The following TANC1 variants were observed in gnomAD, a reference collection of about 807,000 sequenced individuals.
TANC1 encodes the protein tetratricopeptide repeat, ankyrin repeat and coiled-coil containing 1.
TANC1 carries 77 observed loss-of-function variants against 149.7 expected under a neutral mutation model. The ratio of observed to expected loss-of-function variants is 0.51; its 90% CI spans 0.43 to 0.62. The LOEUF (loss-of-function observed/expected upper bound fraction) is 0.62. Among genes scored for constraint, TANC1 ranks in the 20% least tolerant of loss-of-function variants. The probability of loss-of-function intolerance (pLI) is 0.00; values close to 1 mark genes in which losing one functional copy is unlikely to be tolerated. For synonymous variants in TANC1, 854 were observed against 925.0 expected (o/e 0.92, Z 1.39); for missense variants, 1,985 against 2,321.8 (o/e 0.85, Z 2.98).
intron 3 of TANC1, among the ~76,000 whole-genome samples, chr2:159,096,010 T>G (rs1393374919): frequency 6.6e-6 from 1 of 152,098 alleles, no homozygotes; most frequent in Non-Finnish European, 1.5e-5. Flanking sequence ...TATGTGTGGT[T>G]TTTTTGGTTT....
intron 3 of TANC1, among the ~76,000 whole-genome samples, chr2:159,096,969 G>C (rs948062016): frequency 6.6e-6 from 1 of 152,176 alleles, no homozygotes; most frequent in Non-Finnish European, 1.5e-5. Context: ...ATTTAACAAT[G>C]TTTAATTTCC....
intron 2 of TANC1, among the ~76,000 whole-genome samples, chr2:159,042,135 C>T (rs1033553546): frequency 2.0e-5 from 3 of 152,148 alleles, no homozygotes; most frequent in Non-Finnish European, 4.4e-5. Context: ...TCTTTGAAGT[C>T]CTGGTGGGGA....
Position 159,196,597 on chromosome 2 carries a change from C to T in TANC1, c.2980-11C>T, listed in dbSNP as rs142180911. 13 of 1,592,122 alleles carry T rather than the reference C, an allele frequency of 8.2e-6. No homozygotes were observed. In the South Asian group the frequency reaches 1.1e-4, roughly 14 times the overall value. On this transcript the variant is annotated splice_polypyrimidine_tract_variant and intron_variant, in intron 17 of 26. Coordinates refer to ENST00000263635, the MANE Select transcript of TANC1 (RefSeq NM_033394.3). Reference sequence around the variant, plus strand: ...TGCTCAGCTGTAACCTTCCCCTACTCCTGCCCCCAGGTGGACCACTTGGAT... The same window carrying T: ...TGCTCAGCTGTAACCTTCCCCTACTTCTGCCCCCAGGTGGACCACTTGGAT...
intron 7 of TANC1, among the ~76,000 whole-genome samples, chr2:159,151,483 T>C (rs192042058): frequency 2.0e-5 from 3 of 152,260 alleles, no homozygotes; most frequent in Admixed American, 2.0e-4. Flanking sequence ...TGCTGAGTTA[T>C]GCACGTGTCT....
intron 19 of TANC1, among the ~76,000 whole-genome samples, chr2:159,202,374 AG>A (rs2058309706): frequency 6.6e-6 from 1 of 152,240 alleles, no homozygotes; most frequent in Non-Finnish European, 1.5e-5. Flanking sequence ...TTTAGGGTTT[AG>A]GGGTTTATTG....
chr2:159,111,504 C>A (rs917826615), intron 4 of TANC1, among the ~76,000 whole-genome samples: 1 of 152,190 alleles, frequency 6.6e-6, no homozygotes, highest in African/African-American at 2.4e-5. Context: ...ATGGCACAGC[C>A]GTTGTTCTGC....
chr2:159,226,767 A>G (rs1399216107), intron 24 of TANC1: 2 of 152,222 alleles, frequency 1.3e-5, no homozygotes, highest in African/African-American at 4.8e-5. Flanking sequence ...GGCTTTGCAG[A>G]CTGTGTGGCC....
chr2:159,035,840 C>T (rs1035707752), intron 2 of TANC1, among the ~76,000 whole-genome samples: 18 of 152,172 alleles, frequency 1.2e-4, no homozygotes, highest in African/African-American at 4.1e-4. Context: ...GCTGCCCTTA[C>T]AGAAGTTTTA....
intron 3 of TANC1, among the ~76,000 whole-genome samples, chr2:159,070,726 C>G (rs1234063763): frequency 6.6e-6 from 1 of 152,106 alleles, no homozygotes; most frequent in African/African-American, 2.4e-5. Flanking sequence ...GTTTGGACTT[C>G]TTGGCTAAGA....
chr2:159,216,765 A>C (rs112244176), intron 19 of TANC1, among the ~76,000 whole-genome samples: 28 of 152,164 alleles, frequency 1.8e-4, no homozygotes, highest in African/African-American at 6.0e-4. Context: ...GGCCCTCTAC[A>C]GTTGGATCTT....
intron 4 of TANC1, among the ~76,000 whole-genome samples, chr2:159,115,440 G>C (rs2048151490): frequency 6.6e-6 from 1 of 152,108 alleles, no homozygotes; most frequent in Non-Finnish European, 1.5e-5. Context: ...AAAAGTTTTA[G>C]GAAAAAGAAT....
At chr2:159,053,278 GAAA>G (rs767897331) in intron 2 of TANC1, among the ~76,000 whole-genome samples, 1 of 142,900 alleles carries the variant, frequency 7.0e-6, no homozygotes, top group Non-Finnish European at 1.5e-5. Flanking sequence ...GAGCTTAAGG[GAAA>G]AAAAAAAAAG....
intron 2 of TANC1, among the ~76,000 whole-genome samples, chr2:159,040,817 G>C (rs2040572125): frequency 6.6e-6 from 1 of 152,152 alleles, no homozygotes; most frequent in Non-Finnish European, 1.5e-5. Context: ...GTAAGGAGCT[G>C]CATTCCTTTG....
intron 4 of TANC1, among the ~76,000 whole-genome samples, chr2:159,107,651 C>T (rs2047320648): frequency 1.3e-5 from 2 of 152,186 alleles, no homozygotes; most frequent in South Asian, 2.1e-4. Context: ...TGTGCCTTCA[C>T]CCAGCCCTAT....
chr2:159,114,417 T>C (rs1190879544), intron 4 of TANC1, among the ~76,000 whole-genome samples: 1 of 152,172 alleles, frequency 6.6e-6, no homozygotes, highest in Non-Finnish European at 1.5e-5. Flanking sequence ...GTACAGTTAA[T>C]TTTTTCTTAT....
chr2:159,186,894 G>A lies in TANC1; in HGVS notation c.2620-8G>A, dbSNP rs764599102. The A allele has an allele frequency of 2.4e-5, 39 of 1,614,090 alleles. No individual in the cohort carries two copies. The highest frequency in any genetic ancestry group is 3.1e-5 in the Non-Finnish European group (36 of 1,180,034). On this transcript the variant is annotated splice_polypyrimidine_tract_variant and splice_region_variant and intron_variant, in intron 15 of 26. Coordinates refer to ENST00000263635, the MANE Select transcript of TANC1 (RefSeq NM_033394.3). ...ATTGTTTCCAAGATCTGTCTCGATT[G>A]TTTCCAGGGCCTCAGTAAGAAGACG...
At chr2:159,145,351 G>A (rs1010904868) in intron 5 of TANC1, among the ~76,000 whole-genome samples, 1 of 152,194 alleles carries the variant, frequency 6.6e-6, no homozygotes, top group Non-Finnish European at 1.5e-5. Context: ...GTTAAAGTTG[G>A]TAGAGAGAAT....
intron 4 of TANC1, among the ~76,000 whole-genome samples, chr2:159,122,760 T>C (rs73969453): frequency 0.2 from 23,106 of 118,056 alleles, 1,883 homozygotes; most frequent in Middle Eastern, 0.35. Flanking sequence ...CTTTTTCTTT[T>C]TTCTTCTTTT....
chr2:158,971,249 A>G (rs920048128), intron 1 of TANC1, among the ~76,000 whole-genome samples: 3 of 152,214 alleles, frequency 2.0e-5, no homozygotes, highest in African/African-American at 7.2e-5. Context: ...CAGTGGAACT[A>G]TAATCCATAT....
Sources: allele counts gnomAD v4.1 joint callset (sites outside exome capture counted in the v4.1 genomes callset), GRCh38; gene constraint gnomAD v4.1.1; transcripts MANE v1.5; gene names NCBI Gene and HGNC (gene_info 2026-07-23, HGNC 2026-07-21).